Variants in PRRC2C observed in about 807,000 individuals in gnomAD.
The protein encoded by PRRC2C is protein PRRC2C.
PRRC2C carries 72 observed loss-of-function variants against 317.2 expected under a neutral mutation model. That is an observed-to-expected ratio of 0.23 (90% CI 0.19 to 0.28). The LOEUF (loss-of-function observed/expected upper bound fraction) is 0.28, where lower values mean the gene tolerates loss of function less well. PRRC2C is among the 10% of genes least tolerant of loss of function. PRRC2C has a pLI of 1.00. For missense variants in PRRC2C, 3,074 were observed against 3,459.7 expected (o/e 0.89, Z 2.80); for synonymous variants, 1,296 against 1,205.9 (o/e 1.07, Z -1.55).
intron 1 of PRRC2C, among the ~76,000 whole-genome samples, chr1:171,494,325 G>A (rs2102060787): frequency 6.6e-6 from 1 of 152,248 alleles, no homozygotes; most frequent in South Asian, 2.1e-4. Flanking sequence ...ATCCTGATTA[G>A]AACTCCAGCA....
intron 17 of PRRC2C, among the ~76,000 whole-genome samples, chr1:171,548,038 T>G (rs892710017): frequency 2.6e-5 from 4 of 152,214 alleles, no homozygotes; most frequent in Non-Finnish European, 4.4e-5. Flanking sequence ...TGATCTCGGC[T>G]CACTGCAACC....
In PRRC2C at chr1:171,527,791, G is replaced by C; in HGVS notation, c.1201G>C (p.Glu401Gln). 1 of 1,571,468 alleles carries C rather than the reference G, an allele frequency of 6.4e-7. No individual in the cohort carries two copies. Among genetic ancestry groups the C allele is most frequent in the Non-Finnish European group, 8.6e-7 (1 of 1,156,266 alleles). ...PYGKGPSFNQ[E>Q]RGTSSHLPPP... Reference sequence around the variant, plus strand: ...AATAATTCTTTCTTCTTTATAATAGGAACGTGGAACATCTTCACATCTGCC... The same window carrying C: ...AATAATTCTTTCTTCTTTATAATAGCAACGTGGAACATCTTCACATCTGCC... Residue 401 changes from glutamate to glutamine, a missense_variant and splice_region_variant, in exon 11 of 35, where the codon GAA becomes CAA. By Grantham distance (29) the Glu-to-Gln change is conservative (BLOSUM62 2). This residue lies in a region of PRRC2C where 1,320 missense variants were observed against 1,395.7 expected (regional missense o/e 0.95). Coordinates refer to ENST00000647382, the MANE Select transcript of PRRC2C (RefSeq NM_001387844.1).
intron 1 of PRRC2C, among the ~76,000 whole-genome samples, chr1:171,497,477 A>G (rs1668335304): frequency 6.6e-6 from 1 of 151,630 alleles, no homozygotes; most frequent in Non-Finnish European, 1.5e-5. Context: ...ATTTTTATTT[A>G]TTTATTTTGA....
At position 171,523,251 on chromosome 1, in the gene PRRC2C, A is replaced by G. The variant is rs773769819; in HGVS notation, c.864A>G (p.Ser288=). 3.1e-6 allele frequency: 5 copies of G among 1,613,282 alleles called. No individual in the cohort carries two copies. The highest frequency in any genetic ancestry group is 1.1e-5 in the South Asian group (1 of 90,956). ...TTCGAGGAAGAGGCCCACCTCCTTC[A>G]TGGGCCTCTGAGCCTGAACGCCCAT... ...KGLRGRGPPP[S]WASEPERPSI... Residue 288 remains serine, a synonymous_variant, in exon 8 of 35, where the codon TCA becomes TCG. Transcript: ENST00000647382.
intron 11 of PRRC2C, among the ~76,000 whole-genome samples, chr1:171,528,962 G>A (rs770478783): frequency 6.6e-6 from 1 of 151,832 alleles, no homozygotes; most frequent in African/African-American, 2.4e-5. Flanking sequence ...ACACCACCAC[G>A]CCAGGCTAAT....
chr1:171,528,613 A>G (rs1286516752), intron 11 of PRRC2C, among the ~76,000 whole-genome samples: 2 of 151,960 alleles, frequency 1.3e-5, no homozygotes, highest in Non-Finnish European at 2.9e-5. Context: ...TTAGTGAACT[A>G]TTTATACTTA....
chr1:171,522,062 A>G (rs1044370874), intron 6 of PRRC2C, 115 bp from the exon 7 acceptor site: 2 of 438,492 alleles, frequency 4.6e-6, no homozygotes, highest in South Asian at 1.4e-4. Context: ...ATTCACTTAA[A>G]TCATTGTTTT....
At chr1:171,582,883 CAAT>C in intron 28 of PRRC2C, among the ~76,000 whole-genome samples, 1 of 150,468 alleles carries the variant, frequency 6.6e-6, no homozygotes, top group East Asian at 1.9e-4. Flanking sequence ...AATTTTTCTT[CAAT>C]AATAAATTAA....
At chr1:171,578,873 C>CA (rs1478915873) in intron 26 of PRRC2C, among the ~76,000 whole-genome samples, 3 of 150,992 alleles carry the variant, frequency 2.0e-5, no homozygotes, top group Non-Finnish European at 4.4e-5. Flanking sequence ...AAACAAAAAA[C>CA]AAAAACAAAA....
At chr1:171,563,102 G>A (rs554845343) in intron 20 of PRRC2C, among the ~76,000 whole-genome samples, 3 of 152,214 alleles carry the variant, frequency 2.0e-5, no homozygotes, top group African/African-American at 7.2e-5. Context: ...AACATTATTG[G>A]TGGAGTAGTA....
intron 7 of PRRC2C, 51 bp from the exon 8 acceptor site, chr1:171,523,170 A>C (rs1472436366): frequency 6.7e-7 from 1 of 1,496,522 alleles, no homozygotes; most frequent in Non-Finnish European, 9.0e-7. Context: ...GTATTCTCCC[A>C]GTTTAGTATC....
intron 18 of PRRC2C, 139 bp from the exon 19 acceptor site, chr1:171,557,101 A>G (rs2102637371): frequency 1.4e-6 from 2 of 1,395,428 alleles, no homozygotes; most frequent in Middle Eastern, 2.6e-4. Flanking sequence ...TCTTATTAGC[A>G]ACCCTGACAT....
Position 171,541,688 on chromosome 1 carries a change from C to T in PRRC2C, c.4222C>T (p.Pro1408Ser), listed in dbSNP as rs1677984333. 6.2e-7 allele frequency: 1 copy of T among 1,613,776 alleles called. No individual in the cohort carries two copies. Residue 1408 changes from proline to serine, a missense_variant, in exon 16 of 35, where the codon CCT becomes TCT. Physicochemically the swap from Pro to Ser is moderately conservative, Grantham distance 74. Around this residue, in one of 11 missense-constraint regions of PRRC2C, gnomAD observed 1,320 missense variants for 1,395.7 expected, o/e 0.95. Coordinates refer to ENST00000647382, the MANE Select transcript of PRRC2C (RefSeq NM_001387844.1). The surrounding 1 kb of genome is among the most constrained non-coding windows in gnomAD (Gnocchi z 4.1). The stretch of plus-strand genomic sequence containing the variant: ...TATTCCTATAGCAGCAGATAAACGA[C>T]CTCCAAAATTTGAGCGAAAATTTGA... ...QFIPIAADKR[P>S]PKFERKFDPA...
intron 10 of PRRC2C, among the ~76,000 whole-genome samples, chr1:171,527,298 A>G (rs933683428): frequency 1.4e-5 from 2 of 147,598 alleles, no homozygotes; most frequent in Non-Finnish European, 3.0e-5. Flanking sequence ...ACGCCTGGCT[A>G]ATTTTTGTAT....
rs1236663155 is a variant in PRRC2C, at chr1:171,559,505, G to GTTTTTTTTTTTTTTTTTTT, written c.6031+1365_6031+1366insTTTTTTTTTTTTTTTTTTT. On this transcript the variant is annotated intron_variant, in intron 19 of 34. Transcript: ENST00000647382. ...ATCTGTTTACAAAATGGCATACCAAGTTTGTTTTTTTTTTTTTTTTTTTTT... is the reference window on the plus strand; with the variant it reads ...ATCTGTTTACAAAATGGCATACCAAGTTTTTTTTTTTTTTTTTTTTTTGTTTTTTTTTTTTTTTTTTTTT... Among the ~76,000 whole-genome samples, 23 of 95,124 alleles carry GTTTTTTTTTTTTTTTTTTT rather than the reference G, an allele frequency of 2.4e-4. 11 individuals are homozygous for GTTTTTTTTTTTTTTTTTTT. Among genetic ancestry groups the GTTTTTTTTTTTTTTTTTTT allele is most frequent in the Non-Finnish European group, 2.0e-4 (10 of 50,628 alleles). 62.4% of individuals were successfully genotyped at this position (95,124 alleles called of 152,430 possible). A position where few individuals can be genotyped will look rare whatever the true frequency, so the allele number is the denominator to read the frequency against.
In PRRC2C at chr1:171,550,183, A is replaced by G. The variant is rs763020458; in HGVS notation, c.5070A>G (p.Lys1690=). ...DDGFTEVVSK[K]QQKRLQDEER... ...GTTTTACTGAAGTGGTATCCAAAAAACAACAAAAACGTTTACAGGATGAAG... is the reference window on the plus strand; with the variant it reads ...GTTTTACTGAAGTGGTATCCAAAAAGCAACAAAAACGTTTACAGGATGAAG... Residue 1690 remains lysine, a synonymous_variant, in exon 18 of 35, where the codon AAA becomes AAG. Coordinates refer to ENST00000647382, the MANE Select transcript of PRRC2C (RefSeq NM_001387844.1). The G allele has an allele frequency of 1.2e-6, 2 of 1,607,712 alleles. No homozygotes were observed. Among genetic ancestry groups the G allele is most frequent in the Non-Finnish European group, 1.7e-6 (2 of 1,176,656 alleles).
intron 1 of PRRC2C, among the ~76,000 whole-genome samples, chr1:171,486,095 C>T (rs920026416): frequency 1.5e-5 from 2 of 132,528 alleles, no homozygotes; most frequent in Non-Finnish European, 3.1e-5. Flanking sequence ...CCTGGACTGG[C>T]GGACGTGAAG....
At chr1:171,562,977 A>G (rs913035639) in intron 20 of PRRC2C, among the ~76,000 whole-genome samples, 1 of 152,174 alleles carries the variant, frequency 6.6e-6, no homozygotes, top group Non-Finnish European at 1.5e-5. Flanking sequence ...AAGTCAAGTG[A>G]AAGATAAGTT....
chr1:171,532,824 T>C lies in PRRC2C; in HGVS notation c.1736T>C (p.Leu579Pro). 1 of 1,592,244 alleles carries C rather than the reference T, an allele frequency of 6.3e-7. No homozygotes were observed. The highest frequency in any genetic ancestry group is 8.5e-7 in the Non-Finnish European group (1 of 1,172,436). ...LERQKEKEKE[L>P]QKMKEQEKEC... is the part of the protein sequence containing the mutation. ...CGGCAGAAAGAAAAGGAAAAAGAAC[T>C]ACAAAAGATGAAAGAACAAGAAAAG... is the stretch of plus-strand genomic sequence containing the variant. Residue 579 changes from leucine to proline, a missense_variant, in exon 12 of 35, where the codon CTA (leucine) becomes CCA (proline). Coordinates refer to ENST00000647382, the MANE Select transcript of PRRC2C (RefSeq NM_001387844.1).
Sources: allele counts gnomAD v4.1 joint callset (sites outside exome capture counted in the v4.1 genomes callset), GRCh38; gene constraint gnomAD v4.1.1; regional missense constraint gnomAD v4.1.1; non-coding constraint Gnocchi (gnomAD v3.1); transcripts MANE v1.5; gene names NCBI Gene and HGNC (gene_info 2026-07-23, HGNC 2026-07-21).